Variants in CSMD1 observed in about 807,000 individuals in gnomAD.
The protein encoded by CSMD1 is CUB and Sushi multiple domains 1, also known as CUB and sushi domain-containing protein 1.
Under a neutral mutation model 417.5 loss-of-function variants are expected in CSMD1, and 213 were observed. The observed-to-expected ratio is 0.51, with a 90% confidence interval of 0.46 to 0.57. CSMD1 has a LOEUF of 0.57. CSMD1 is among the 20% of genes least tolerant of loss of function. The pLI, the probability that CSMD1 is intolerant of heterozygous loss-of-function variation, is 0.00. For synonymous variants in CSMD1, 2,862 were observed against 1,736.8 expected (o/e 1.65, Z -16.11); for missense variants, 6,923 against 4,529.7 (o/e 1.53, Z -15.17).
At chr8:4,321,045 G>C (rs745749190) in intron 3 of CSMD1, among the ~76,000 whole-genome samples, 29 of 151,964 alleles carry the variant, frequency 1.9e-4, no homozygotes, top group Admixed American at 9.2e-4. Context: ...TTCACATTTT[G>C]TTTTACACAC....
rs560019956 is a variant in CSMD1, at chr8:3,637,628, G to A, written c.1010-20831C>T. Among the ~76,000 whole-genome samples, 41 of 152,064 alleles carry A rather than the reference G, an allele frequency of 2.7e-4. No individual in the cohort carries two copies. The South Asian group carries it at 4.6e-3, about 17-fold the overall frequency. Reference sequence around the variant, plus strand: ...TAGTATATACTGGGTGCTACTGTTGGCACTATTAAAGTCTATGATTCAATC... The same window carrying A: ...TAGTATATACTGGGTGCTACTGTTGACACTATTAAAGTCTATGATTCAATC... On this transcript the variant is annotated intron_variant, in intron 7 of 69. Coordinates refer to ENST00000635120, the MANE Select transcript of CSMD1 (RefSeq NM_033225.6).
chr8:4,570,052 G>A (rs1337022303), intron 2 of CSMD1, among the ~76,000 whole-genome samples: 2 of 152,138 alleles, frequency 1.3e-5, no homozygotes, highest in South Asian at 2.1e-4. Context: ...AGACAATGGG[G>A]TTTTCTAAAT....
rs979975246 is a variant in CSMD1, at chr8:3,020,521, C to T, written c.7856-1871G>A. On this transcript the variant is annotated intron_variant, in intron 51 of 69. Transcript: ENST00000635120. ...GTACCTTAGTGCATGGGCACCACCA[C>T]GCTCAGCTATTTATTTTTTTAATTT... 2.4e-4 allele frequency among the ~76,000 whole-genome samples: 36 copies of T among 152,232 alleles called. 3 individuals are homozygous for T. The South Asian group carries it at 4.8e-3, about 20-fold the overall frequency.
chr8:4,088,597 TTC>T (rs949028704), intron 3 of CSMD1, among the ~76,000 whole-genome samples: 22 of 152,016 alleles, frequency 1.4e-4, no homozygotes, highest in Non-Finnish European at 2.4e-4. Context: ...CCCACATGTA[TTC>T]TCTCTCTCTC....
At chr8:4,593,154 T>C (rs1022936350) in intron 2 of CSMD1, among the ~76,000 whole-genome samples, 3 of 152,148 alleles carry the variant, frequency 2.0e-5, no homozygotes, top group South Asian at 4.1e-4. Context: ...GGTCTCAGCA[T>C]TGAGAGGACC....
In CSMD1 at chr8:3,851,510, C is replaced by G. The variant is rs577502007; in HGVS notation, c.819-97468G>C. Among the ~76,000 whole-genome samples the G allele has an allele frequency of 6.6e-5, 10 of 152,244 alleles. No individual in the cohort carries two copies. In the East Asian group the frequency reaches 1.5e-3, roughly 24 times the overall value. On this transcript the variant is annotated intron_variant, in intron 5 of 69. Coordinates refer to ENST00000635120, the MANE Select transcript of CSMD1 (RefSeq NM_033225.6). ...GACCTAGTGTCTTGAGACTTTTTGG[C>G]TCTGTTTGATCAGGTGGTCCCTGAA... is the stretch of plus-strand genomic sequence containing the variant.
At chr8:3,265,978 A>C (rs1398799533) in intron 26 of CSMD1, among the ~76,000 whole-genome samples, 1 of 152,020 alleles carries the variant, frequency 6.6e-6, no homozygotes, top group Non-Finnish European at 1.5e-5. Flanking sequence ...AGATGTCTGC[A>C]AGATGTTCAA....
chr8:4,885,261 A>G (rs1480290678), intron 1 of CSMD1, among the ~76,000 whole-genome samples: 2 of 152,032 alleles, frequency 1.3e-5, no homozygotes, highest in African/African-American at 2.4e-5. Flanking sequence ...CATGTCCAAG[A>G]GTGTACCATC....
chr8:4,621,394 T>G (rs1388418438), intron 2 of CSMD1, among the ~76,000 whole-genome samples: 1 of 152,130 alleles, frequency 6.6e-6, no homozygotes, highest in East Asian at 1.9e-4. Flanking sequence ...GGATTTGGAA[T>G]TTTATAATTA....
chr8:4,696,590 C>A (rs746129453), intron 1 of CSMD1, among the ~76,000 whole-genome samples: 2 of 152,078 alleles, frequency 1.3e-5, no homozygotes, highest in Non-Finnish European at 2.9e-5. Context: ...AGTTAATTTC[C>A]CCCGTATTAC....
intron 5 of CSMD1, among the ~76,000 whole-genome samples, chr8:3,895,824 A>T (rs2129130382): frequency 6.6e-6 from 1 of 152,282 alleles, no homozygotes; most frequent in African/African-American, 2.4e-5. Context: ...TGTGAGCCAC[A>T]GCTCTGACCT....
At chr8:3,711,433 G>C (rs1226848321) in intron 6 of CSMD1, among the ~76,000 whole-genome samples, 1 of 152,100 alleles carries the variant, frequency 6.6e-6, no homozygotes, top group Non-Finnish European at 1.5e-5. Context: ...CCTATCCCAG[G>C]CTCACAACGT....
chr8:4,557,425 CGA>C (rs1025274457), intron 2 of CSMD1, among the ~76,000 whole-genome samples: 1 of 148,278 alleles, frequency 6.7e-6, no homozygotes, highest in African/African-American at 2.5e-5. Context: ...TGAAAATCTG[CGA>C]GGTTTTTTTT....
At chr8:4,820,107 T>G (rs1429767174) in intron 1 of CSMD1, among the ~76,000 whole-genome samples, 1 of 152,064 alleles carries the variant, frequency 6.6e-6, no homozygotes, top group Non-Finnish European at 1.5e-5. Context: ...CTAAGGCAAA[T>G]CTGAGCTGGG....
chr8:3,690,179 C>A (rs1236120513), intron 7 of CSMD1, among the ~76,000 whole-genome samples: 1 of 152,082 alleles, frequency 6.6e-6, no homozygotes, highest in African/African-American at 2.4e-5. Context: ...GGCAACAGGG[C>A]AAGGCCCTGT....
chr8:3,708,738 C>T (rs559936491), intron 6 of CSMD1, among the ~76,000 whole-genome samples: 13 of 152,278 alleles, frequency 8.5e-5, no homozygotes, highest in African/African-American at 2.9e-4. Context: ...TACGTGCTGC[C>T]ACTGACTTTA....
chr8:4,043,252 C>T (rs1456684283), intron 3 of CSMD1, among the ~76,000 whole-genome samples: 1 of 152,042 alleles, frequency 6.6e-6, no homozygotes, highest in Non-Finnish European at 1.5e-5. Context: ...AGCTATTAGG[C>T]TAGCATAGGA....
At chr8:4,926,570 G>C (rs1394653710) in intron 1 of CSMD1, among the ~76,000 whole-genome samples, 2 of 152,006 alleles carry the variant, frequency 1.3e-5, no homozygotes, top group African/African-American at 2.4e-5. Flanking sequence ...TATAGCCTTG[G>C]GGAAAAACCA....
chr8:4,432,018 G>C (rs370707470), intron 2 of CSMD1, among the ~76,000 whole-genome samples: 1 of 151,908 alleles, frequency 6.6e-6, no homozygotes, highest in Non-Finnish European at 1.5e-5. Flanking sequence ...ATTCTCAAAA[G>C]GCCTGCAAAA....
Sources: gnomAD v4.1 joint callset for allele counts (sites outside exome capture counted in the v4.1 genomes callset) on GRCh38, gnomAD v4.1.1 for gene constraint, MANE v1.5 for transcripts, NCBI Gene and HGNC (gene_info 2026-07-23, HGNC 2026-07-21) for gene names.